PRDM15: variants seen among roughly 807,000 people sequenced by gnomAD.
PRDM15 encodes the protein PR/SET domain 15.
PRDM15 carries 64 observed loss-of-function variants against 128.6 expected under a neutral mutation model. The observed-to-expected ratio is 0.50, with a 90% CI of 0.41 to 0.61. PRDM15 has a LOEUF of 0.61. PRDM15 is among the 20% of genes least tolerant of loss of function. PRDM15 has a pLI of 0.00. For missense variants in PRDM15, 1,242 were observed against 1,569.1 expected, an observed-to-expected ratio of 0.79 and a Z score of 3.52; for synonymous variants, 615 against 621.8, an observed-to-expected ratio of 0.99 and a Z score of 0.16.
At chr21:41,838,230 C>A (rs914969538) in intron 7 of PRDM15, among the ~76,000 whole-genome samples, 167 bp from the exon 8 acceptor site, 9 of 152,118 alleles carry the variant, frequency 5.9e-5, no homozygotes. Flanking sequence ...ATTTTGGGAT[C>A]CACACATTTA....
intron 1 of PRDM15, among the ~76,000 whole-genome samples, chr21:41,878,297 C>T (rs561783020): frequency 8.5e-5 from 13 of 152,294 alleles, no homozygotes; most frequent in Admixed American, 3.3e-4. Context: ...CTTGTTTCTA[C>T]CGTTTTAAAC....
chr21:41,818,959 C>G (rs1344655795), intron 18 of PRDM15, among the ~76,000 whole-genome samples: 1 of 152,192 alleles, frequency 6.6e-6, no homozygotes, highest in Non-Finnish European at 1.5e-5. Flanking sequence ...CGATTCTAGT[C>G]TGCGTAGTGA....
In PRDM15 at chr21:41,862,927, T is replaced by G. The variant is rs191981948; in HGVS notation, c.-9-2555A>C. Among the ~76,000 whole-genome samples, 7 of 152,182 alleles carry G rather than the reference T, an allele frequency of 4.6e-5. No homozygotes were observed. The highest frequency in any genetic ancestry group is 1.7e-4 in the African/African-American group (7 of 41,518). On this transcript the variant is annotated intron_variant, in intron 1 of 23. Transcript: ENST00000398548. The surrounding 1 kb of genome is among the most constrained non-coding windows in gnomAD (Gnocchi z 4.1). ...GCTCACGTCTGTAATCCCAGCACTT[T>G]CAGAGATGAGGACGGGCGATCACTT...
rs530704580 is a variant in PRDM15 at position 41,802,892 on chromosome 21, C to T, written c.2763G>A (p.Leu921=). The stretch of plus-strand genomic sequence containing the variant: ...CAGCTTTCCCGTGCTTCCCTTCGGC[C>T]AAATCCTCCTGCTCCAGAGTCAGCT... ...QPELTLEQED[L]AEGKHGKAAK... Residue 921 remains leucine, a synonymous_variant, in exon 23 of 24, where the codon TTG becomes TTA. Transcript: ENST00000398548. 3 of 1,614,098 alleles carry T rather than the reference C, an allele frequency of 1.9e-6. No homozygotes were observed. Among genetic ancestry groups the T allele is most frequent in the South Asian group, 2.2e-5 (2 of 91,086 alleles).
At chr21:41,850,491 C>T (rs978847864) in intron 5 of PRDM15, among the ~76,000 whole-genome samples, 23 of 152,058 alleles carry the variant, frequency 1.5e-4, no homozygotes, top group Non-Finnish European at 1.2e-4. Context: ...CCCAGCACTT[C>T]GGAAGGTGGG....
In PRDM15 at chr21:41,810,894, A is replaced by G; in HGVS notation, c.2393-58T>C. The G allele has an allele frequency of 1.3e-6, 2 of 1,508,792 alleles. No individual in the cohort carries two copies. Among genetic ancestry groups the G allele is most frequent in the Non-Finnish European group, 1.8e-6 (2 of 1,084,846 alleles). The allele number at this position is 1,508,792 out of a possible 1,614,324, so 93.5% of individuals were successfully genotyped here. ...TTAATGAGTGTTGTAAGTCCACATC[A>G]GGGCATGTCTTCTCCCTGACACGTT... On this transcript the variant is annotated intron_variant, in intron 19 of 23. Transcript: ENST00000398548. This position sits in a 1 kb window ranked among gnomAD's most constrained non-coding sequence, Gnocchi z 6.4.
chr21:41,879,234 C>T lies in PRDM15; in HGVS notation c.-10+36G>A. ...GGCCCGGGGCCGGCGGGGCGCACGCCGGGGCGGGCGGCGGGCGCAGGGCCC... is the reference window on the plus strand; with the variant it reads ...GGCCCGGGGCCGGCGGGGCGCACGCTGGGGCGGGCGGCGGGCGCAGGGCCC... On this transcript the variant is annotated intron_variant, in intron 1 of 23. Coordinates refer to ENST00000398548, the MANE Select transcript of PRDM15 (RefSeq NM_001040424.3). The surrounding 1 kb of genome is among the most constrained non-coding windows in gnomAD (Gnocchi z 5.1). 1.2e-6 allele frequency: 1 copy of T among 813,964 alleles called. No homozygotes were observed. The highest frequency in any genetic ancestry group is 5.4e-5 in the South Asian group (1 of 18,590). The allele number at this position is 813,964 out of a possible 1,614,324, so 50.4% of individuals were successfully genotyped here.
chr21:41,854,422 T>A lies in PRDM15; in HGVS notation c.538+144A>T. ...ACAAGCAGAAAGACAGACCCGACTCTCCACTCCTCCACTCTCCGCATCCCA... is the reference window on the plus strand; with the variant it reads ...ACAAGCAGAAAGACAGACCCGACTCACCACTCCTCCACTCTCCGCATCCCA... On this transcript the variant is annotated intron_variant, in intron 5 of 23. Transcript: ENST00000398548. The surrounding 1 kb of genome is among the most constrained non-coding windows in gnomAD (Gnocchi z 4.6). The A allele has an allele frequency of 9.6e-7, 1 of 1,046,862 alleles. No homozygotes were observed. Among genetic ancestry groups the A allele is most frequent in the Non-Finnish European group, 1.4e-6 (1 of 736,154 alleles). The allele number at this position is 1,046,862 out of a possible 1,614,324, so 64.8% of individuals were successfully genotyped here.
rs1256964681 is a variant in PRDM15 at position 41,801,651 on chromosome 21, C to T, written c.3015G>A (p.Val1005=). 9 of 1,613,962 alleles carry T rather than the reference C, an allele frequency of 5.6e-6. No homozygotes were observed. The highest frequency in any genetic ancestry group is 5.3e-5 in the African/African-American group (4 of 74,878). ...TCGCGGCCGCAGTGGTGATGGGGGT[C>T]ACGGTGATGTTGGTTAAGCCGACTG... ...SSSVGLTNIT[V]TPITTAAATQ... Residue 1005 remains valine, a synonymous_variant, in exon 24 of 24, where the codon GTG becomes GTA. Transcript: ENST00000398548.
intron 6 of PRDM15, among the ~76,000 whole-genome samples, chr21:41,844,640 T>A (rs902153604): frequency 5.4e-5 from 1 of 18,582 alleles, no homozygotes; most frequent in Non-Finnish European, 9.4e-5. Context: ...CCCTCCCCCC[T>A]CACAGAGACA....
chr21:41,849,200 G>A (rs989775342), intron 5 of PRDM15, among the ~76,000 whole-genome samples: 21 of 152,246 alleles, frequency 1.4e-4, no homozygotes, highest in Admixed American at 2.6e-4. Flanking sequence ...AGGGCCGCAC[G>A]AGAGAACTTC....
At chr21:41,805,975 CCTATCACCA>C (rs1448688167) in intron 21 of PRDM15, among the ~76,000 whole-genome samples, 4 of 64,520 alleles carry the variant, frequency 6.2e-5, no homozygotes, top group Non-Finnish European at 1.4e-4. Flanking sequence ...CACTGCCATT[CCTATCACCA>C]CTATCACCAC....
Position 41,821,805 on chromosome 21 carries a change from G to C in PRDM15, c.1896+98C>G. 6.8e-7 allele frequency: 1 copy of C among 1,462,186 alleles called. No homozygotes were observed. The highest frequency in any genetic ancestry group is 2.3e-5 in the East Asian group (1 of 43,964). The allele number at this position is 1,462,186 out of a possible 1,614,324, so 90.6% of individuals were successfully genotyped here. A position where few individuals can be genotyped will look rare whatever the true frequency, so the allele number is the denominator to read the frequency against. On this transcript the variant is annotated intron_variant, in intron 15 of 23. Transcript: ENST00000398548. This position sits in a 1 kb window ranked among gnomAD's most constrained non-coding sequence, Gnocchi z 5.4. ...CCTTTGGGGAGGGAGGGCTGCTTCCGAGATGCATGAAGGTGCCTGCTGTGT... is the reference window on the plus strand; with the variant it reads ...CCTTTGGGGAGGGAGGGCTGCTTCCCAGATGCATGAAGGTGCCTGCTGTGT...
chr21:41,857,490 T>G (rs575198021), intron 3 of PRDM15, among the ~76,000 whole-genome samples, 161 bp from the exon 4 acceptor site: 1 of 152,330 alleles, frequency 6.6e-6, no homozygotes, highest in African/African-American at 2.4e-5. Context: ...GCTTGGTGGC[T>G]CACGCCTGTA....
Position 41,862,700 on chromosome 21 carries a change from T to G in PRDM15, c.-9-2328A>C, listed in dbSNP as rs1208904622. 2.0e-5 allele frequency among the ~76,000 whole-genome samples: 3 copies of G among 152,190 alleles called. No homozygotes were observed. The highest frequency in any genetic ancestry group is 4.4e-5 in the Non-Finnish European group (3 of 68,044). The stretch of plus-strand genomic sequence containing the variant: ...ACCCTGGGCTGCAGATCAGGCCTGA[T>G]AAACGGAGCATCTTCAAAGTCTTTG... On this transcript the variant is annotated intron_variant, in intron 1 of 23. Transcript: ENST00000398548. This position sits in a 1 kb window ranked among gnomAD's most constrained non-coding sequence, Gnocchi z 4.1.
At position 41,858,921 on chromosome 21, in the gene PRDM15, G is replaced by A. The variant is rs2063723110; in HGVS notation, c.131+671C>T. ...AAAGACGGCGGCCACCTGTGCAGCG[G>A]CAGCACGTGCCAGGTACCATCACCC... On this transcript the variant is annotated intron_variant, in intron 3 of 23. Coordinates refer to ENST00000398548, the MANE Select transcript of PRDM15 (RefSeq NM_001040424.3). 8 of 806,592 alleles carry A rather than the reference G, an allele frequency of 9.9e-6. 1 individual carries two copies. In the South Asian group the frequency reaches 1.3e-4, roughly 13 times the overall value. 50.0% of individuals were successfully genotyped at this position (806,592 alleles called of 1,614,324 possible).
chr21:41,817,487 T>A (rs28469625), intron 18 of PRDM15, among the ~76,000 whole-genome samples: 13 of 151,962 alleles, frequency 8.6e-5, no homozygotes, highest in Admixed American at 8.5e-4. Flanking sequence ...CACTGACTAA[T>A]TCCCTGGTCA....
intron 3 of PRDM15, among the ~76,000 whole-genome samples, chr21:41,858,013 G>T (rs2063690138): frequency 6.6e-6 from 1 of 152,200 alleles, no homozygotes; most frequent in African/African-American, 2.4e-5. Context: ...GGCTGCTACG[G>T]GACAGAACAG....
At chr21:41,838,754 C>T (rs557371794) in intron 7 of PRDM15, among the ~76,000 whole-genome samples, 9 of 152,354 alleles carry the variant, frequency 5.9e-5, no homozygotes, top group African/African-American at 2.2e-4. Flanking sequence ...CAACAGTGCA[C>T]AGCCTAGAAG....
Sources: allele counts gnomAD v4.1 joint callset (sites outside exome capture counted in the v4.1 genomes callset), GRCh38; gene constraint gnomAD v4.1.1; non-coding constraint Gnocchi (gnomAD v3.1); transcripts MANE v1.5; gene names NCBI Gene and HGNC (gene_info 2026-07-23, HGNC 2026-07-21).